Variants in LDLRAD3 observed in about 807,000 individuals in gnomAD.
LDLRAD3 encodes low density lipoprotein receptor class A domain containing 3.
A neutral mutation model predicts 29.4 loss-of-function variants in LDLRAD3; 20 were observed. The observed-to-expected ratio is 0.68, with a 90% CI of 0.48 to 0.99. The LOEUF (loss-of-function observed/expected upper bound fraction) is 0.99. Ranked by LOEUF, LDLRAD3 falls within the 50% of genes least tolerant of loss-of-function variation. The probability of loss-of-function intolerance (pLI) is 0.00; values close to 1 mark genes in which losing one functional copy is unlikely to be tolerated. For missense variants in LDLRAD3, 420 were observed against 454.3 expected (o/e 0.92, Z 0.69); for synonymous variants, 157 against 192.7 (o/e 0.81, Z 1.53).
rs186550875 is a variant in LDLRAD3 at position 36,119,886 on chromosome 11, A to G, written c.454+21425A>G. ...TATTATTGCTTGTGCCTTTAATGTC[A>G]TATCTAAAAACCATTGCCTAATTCA... On this transcript the variant is annotated intron_variant, in intron 4 of 5. Transcript: ENST00000315571. Among the ~76,000 whole-genome samples the G allele has an allele frequency of 1.1e-4, 16 of 152,310 alleles. No homozygotes were observed. In the East Asian group the frequency reaches 3.1e-3, roughly 29 times the overall value.
At chr11:36,089,274 C>T (rs1461682281) in intron 3 of LDLRAD3, among the ~76,000 whole-genome samples, 2 of 151,766 alleles carry the variant, frequency 1.3e-5, no homozygotes, top group African/African-American at 4.9e-5. Context: ...AGTATTATTA[C>T]CTCCTTTTTA....
chr11:36,066,741 A>G (rs1012241457), intron 2 of LDLRAD3, among the ~76,000 whole-genome samples: 3 of 152,194 alleles, frequency 2.0e-5, no homozygotes, highest in Non-Finnish European at 4.4e-5. Context: ...TCTTTCTAAA[A>G]GTACGAAGAA....
At chr11:36,010,782 C>G (rs1851945317) in intron 1 of LDLRAD3, among the ~76,000 whole-genome samples, 1 of 152,154 alleles carries the variant, frequency 6.6e-6, no homozygotes, top group African/African-American at 2.4e-5. Flanking sequence ...GATGCTTCCC[C>G]TGGAATAAAT....
At chr11:36,065,836 G>A (rs185313074) in intron 2 of LDLRAD3, among the ~76,000 whole-genome samples, 33 of 152,284 alleles carry the variant, frequency 2.2e-4, no homozygotes, top group African/African-American at 7.5e-4. Context: ...GGGTTCTGCT[G>A]TTTATGTGGA....
Position 36,098,323 on chromosome 11 carries a change from G to A in LDLRAD3, c.320-4G>A, listed in dbSNP as rs1853393952. 9 of 1,613,802 alleles carry A rather than the reference G, an allele frequency of 5.6e-6. No individual in the cohort carries two copies. The highest frequency in any genetic ancestry group is 7.6e-6 in the Non-Finnish European group (9 of 1,180,014). On this transcript the variant is annotated splice_region_variant and splice_polypyrimidine_tract_variant and intron_variant, in intron 3 of 5. Coordinates refer to ENST00000315571, the MANE Select transcript of LDLRAD3 (RefSeq NM_174902.4). ...TGGTAATGTGCTGTGTTTTCCCTCT[G>A]CAGCAGCAAACCCTCTGCTTTGCTC...
At chr11:36,143,522 A>G (rs184471745) in intron 4 of LDLRAD3, among the ~76,000 whole-genome samples, 7 of 152,276 alleles carry the variant, frequency 4.6e-5, no homozygotes, top group Admixed American at 4.6e-4. Flanking sequence ...GAAATTATGT[A>G]TTTTCCCACT....
chr11:36,191,258 G>A lies in LDLRAD3; in HGVS notation c.455-35827G>A, dbSNP rs140863409. On this transcript the variant is annotated intron_variant, in intron 4 of 5. Transcript: ENST00000315571. Reference sequence around the variant, plus strand: ...TAGGAAGAACTTGATAGGCCAAGTAGTATGGTGGCTCACTCAGGCCTGTAA... The same window carrying A: ...TAGGAAGAACTTGATAGGCCAAGTAATATGGTGGCTCACTCAGGCCTGTAA... Among the ~76,000 whole-genome samples the A allele has an allele frequency of 3.3e-3, 499 of 152,234 alleles. 2 individuals carry two copies. The highest frequency in any genetic ancestry group is 0.01 in the Middle Eastern group (3 of 294).
rs769125803 is a variant in LDLRAD3 at position 36,068,492 on chromosome 11, G to A, written c.194-13161G>A. Among the ~76,000 whole-genome samples, 16 of 152,120 alleles carry A rather than the reference G, an allele frequency of 1.1e-4. 1 individual carries two copies. The highest frequency in any genetic ancestry group is 2.2e-4 in the Non-Finnish European group (15 of 68,014). On this transcript the variant is annotated intron_variant, in intron 2 of 5. Coordinates refer to ENST00000315571, the MANE Select transcript of LDLRAD3 (RefSeq NM_174902.4). ...CATCCAAGATCTCAGTGATTACGTG[G>A]TGGAACTGAGGTGGAAACCTGGATG... is the stretch of plus-strand genomic sequence containing the variant.
intron 4 of LDLRAD3, among the ~76,000 whole-genome samples, chr11:36,194,685 C>A (rs1855006116): frequency 6.6e-6 from 1 of 152,166 alleles, no homozygotes; most frequent in Non-Finnish European, 1.5e-5. Flanking sequence ...ATACCCCTAC[C>A]AGTAAGGACA....
intron 1 of LDLRAD3, among the ~76,000 whole-genome samples, chr11:35,956,154 T>G (rs1851198285): frequency 6.6e-6 from 1 of 152,108 alleles, no homozygotes; most frequent in Non-Finnish European, 1.5e-5. Context: ...GAAGGTGTAT[T>G]TTTGTTATAT....
intron 2 of LDLRAD3, among the ~76,000 whole-genome samples, chr11:36,066,217 T>C (rs1326168646): frequency 6.6e-6 from 1 of 151,836 alleles, no homozygotes; most frequent in Admixed American, 6.6e-5. Flanking sequence ...CCCTTAGATA[T>C]CACCTTTCAT....
At chr11:35,982,386 T>C (rs1039961542) in intron 1 of LDLRAD3, among the ~76,000 whole-genome samples, 1 of 149,458 alleles carries the variant, frequency 6.7e-6, no homozygotes, top group Non-Finnish European at 1.5e-5. Flanking sequence ...CCCCTCTTTA[T>C]GAGGACGCCA....
At position 35,988,466 on chromosome 11, in the gene LDLRAD3, A is replaced by G. The variant is rs561957930; in HGVS notation, c.46+44322A>G. ...AAGTTCCTTATGGATTCTGGATATT[A>G]GACATTTGTGGGATGCATAGTTTGT... On this transcript the variant is annotated intron_variant, in intron 1 of 5. Transcript: ENST00000315571. 7.2e-5 allele frequency among the ~76,000 whole-genome samples: 11 copies of G among 152,342 alleles called. No individual in the cohort carries two copies. In the East Asian group the frequency reaches 2.1e-3, roughly 29 times the overall value.
At position 36,151,079 on chromosome 11, in the gene LDLRAD3, T is replaced by A. The variant is rs140695882; in HGVS notation, c.454+52618T>A. Among the ~76,000 whole-genome samples the A allele has an allele frequency of 9.8e-4, 149 of 152,308 alleles. 2 individuals carry two copies. The East Asian group carries it at 0.028, about 29-fold the overall frequency. ...CTGAACAATCCTTGGTTTCCCACCT[T>A]TCAGGCACACTTTTCTGTCTGTCTA... On this transcript the variant is annotated intron_variant, in intron 4 of 5. Coordinates refer to ENST00000315571, the MANE Select transcript of LDLRAD3 (RefSeq NM_174902.4).
chr11:35,946,384 C>A (rs1425025649), intron 1 of LDLRAD3, among the ~76,000 whole-genome samples: 2 of 152,224 alleles, frequency 1.3e-5, no homozygotes. Context: ...CTTTGTGGGG[C>A]TGGAAAGCCA....
chr11:36,154,502 C>T (rs1854319963), intron 4 of LDLRAD3, among the ~76,000 whole-genome samples: 1 of 152,180 alleles, frequency 6.6e-6, no homozygotes, highest in East Asian at 1.9e-4. Flanking sequence ...GAGGCACTTT[C>T]CCAATCTTAG....
chr11:36,175,681 A>G (rs949572811), intron 4 of LDLRAD3, among the ~76,000 whole-genome samples: 2 of 152,206 alleles, frequency 1.3e-5, no homozygotes, highest in Non-Finnish European at 2.9e-5. Flanking sequence ...AATCCTTGAT[A>G]TAATTTCAGT....
chr11:36,077,801 C>T (rs1461125201), intron 2 of LDLRAD3, among the ~76,000 whole-genome samples: 1 of 152,208 alleles, frequency 6.6e-6, no homozygotes, highest in Non-Finnish European at 1.5e-5. Context: ...CTCTTCTCTT[C>T]CTTCTTCTCT....
intron 2 of LDLRAD3, 29 bp from the exon 3 acceptor site, chr11:36,081,624 T>C (rs543893441): frequency 6.2e-7 from 1 of 1,614,160 alleles, no homozygotes; most frequent in East Asian, 2.2e-5. Flanking sequence ...CATCTCCTGA[T>C]GTCTTGCTGT....
Sources: gnomAD v4.1 joint callset for allele counts (sites outside exome capture counted in the v4.1 genomes callset) on GRCh38, gnomAD v4.1.1 for gene constraint, MANE v1.5 for transcripts, NCBI Gene and HGNC (gene_info 2026-07-23, HGNC 2026-07-21) for gene names.